GALNTL6: variants seen among roughly 807,000 people sequenced by gnomAD.
The protein encoded by GALNTL6 is polypeptide N-acetylgalactosaminyltransferase-like 6.
In GALNTL6, 46 loss-of-function variants were observed where a neutral mutation model predicts 73.7. The observed-to-expected ratio is 0.62, with a 90% CI of 0.49 to 0.80. GALNTL6 has a LOEUF of 0.80. Ranked by LOEUF, GALNTL6 falls within the 30% of genes least tolerant of loss-of-function variation. GALNTL6 has a pLI of 0.00. For missense variants in GALNTL6, 604 were observed against 755.0 expected (o/e 0.80, Z 2.34); for synonymous variants, 259 against 263.7 (o/e 0.98, Z 0.17).
intron 7 of GALNTL6, among the ~76,000 whole-genome samples, chr4:172,814,415 T>A (rs976852341): frequency 1.3e-5 from 2 of 152,188 alleles, no homozygotes; most frequent in African/African-American, 4.8e-5. Context: ...ATAGTTTAGT[T>A]TGACAGACTA....
At chr4:171,946,417 G>A (rs1738703325) in intron 2 of GALNTL6, among the ~76,000 whole-genome samples, 1 of 152,114 alleles carries the variant, frequency 6.6e-6, no homozygotes. Context: ...TTTTTCTTAA[G>A]CAATTCCTGG....
Position 172,377,823 on chromosome 4 carries a change from G to T in GALNTL6, c.553+29134G>T, listed in dbSNP as rs187211429. 2.7e-3 allele frequency among the ~76,000 whole-genome samples: 409 copies of T among 152,226 alleles called. 1 individual carries two copies. Among genetic ancestry groups the T allele is most frequent in the African/African-American group, 9.4e-3 (389 of 41,558 alleles). Reference sequence around the variant, plus strand: ...CCAGGGCTGGCTGCACAGGCTGGCCGCTCTGAGTGCGGGGCCTGCTGAGCC... The same window carrying T: ...CCAGGGCTGGCTGCACAGGCTGGCCTCTCTGAGTGCGGGGCCTGCTGAGCC... On this transcript the variant is annotated intron_variant, in intron 5 of 12. Transcript: ENST00000506823.
At chr4:172,257,970 C>T (rs750676017) in intron 3 of GALNTL6, among the ~76,000 whole-genome samples, 10 of 151,240 alleles carry the variant, frequency 6.6e-5, no homozygotes, top group Non-Finnish European at 1.5e-4. Context: ...CTGATCACCA[C>T]CACTACCCTA....
At chr4:171,994,676 A>G (rs1740435045) in intron 2 of GALNTL6, among the ~76,000 whole-genome samples, 1 of 152,056 alleles carries the variant, frequency 6.6e-6, no homozygotes, top group African/African-American at 2.4e-5. Context: ...AATAAAAACA[A>G]AACAGTTGTT....
chr4:173,008,617 G>T (rs1311803509), intron 10 of GALNTL6, among the ~76,000 whole-genome samples: 1 of 152,248 alleles, frequency 6.6e-6, no homozygotes, highest in Non-Finnish European at 1.5e-5. Flanking sequence ...GGAGTTTGGG[G>T]CTAGGATTTT....
chr4:172,368,934 A>G (rs1425220165), intron 5 of GALNTL6, among the ~76,000 whole-genome samples: 2 of 152,148 alleles, frequency 1.3e-5, no homozygotes, highest in Non-Finnish European at 2.9e-5. Flanking sequence ...TGCAGTGAGT[A>G]TTACAGCTCA....
At chr4:172,917,804 C>T (rs1747600621) in intron 8 of GALNTL6, among the ~76,000 whole-genome samples, 1 of 152,160 alleles carries the variant, frequency 6.6e-6, no homozygotes, top group Non-Finnish European at 1.5e-5. Context: ...GTTGGTGGGA[C>T]TGTAAACTAG....
At chr4:172,656,926 T>C (rs1242241896) in intron 5 of GALNTL6, among the ~76,000 whole-genome samples, 1 of 120,610 alleles carries the variant, frequency 8.3e-6, no homozygotes, top group Admixed American at 8.2e-5. Context: ...GAGAAGGACA[T>C]TATTTTTTTT....
At chr4:172,277,230 T>C (rs1738864128) in intron 3 of GALNTL6, among the ~76,000 whole-genome samples, 1 of 151,978 alleles carries the variant, frequency 6.6e-6, no homozygotes, top group Non-Finnish European at 1.5e-5. Context: ...AGAACGTGGA[T>C]TCATAGTTCC....
intron 2 of GALNTL6, among the ~76,000 whole-genome samples, chr4:172,176,176 A>G (rs956626043): frequency 3.4e-5 from 5 of 148,736 alleles, no homozygotes; most frequent in Admixed American, 6.6e-5. Context: ...CATCTCTACT[A>G]AAAAATACAA....
Position 172,223,511 on chromosome 4 carries a change from A to G in GALNTL6, c.139-6145A>G, listed in dbSNP as rs138424183. Among the ~76,000 whole-genome samples the G allele has an allele frequency of 7.4e-4, 112 of 152,186 alleles. 1 individual carries two copies. The East Asian group carries it at 0.017, about 23-fold the overall frequency. ...AGTCTTTCTTGACTTCCTTTTGCTC[A>G]GTGCATAGAGTTCAGAGACCTGTGT... On this transcript the variant is annotated intron_variant, in intron 2 of 12. Transcript: ENST00000506823.
intron 5 of GALNTL6, among the ~76,000 whole-genome samples, chr4:172,663,105 G>T (rs1665782618): frequency 1.3e-5 from 2 of 152,156 alleles, no homozygotes; most frequent in Admixed American, 1.3e-4. Flanking sequence ...GGTGGAGAAT[G>T]GTTTAAGATG....
intron 4 of GALNTL6, among the ~76,000 whole-genome samples, chr4:172,327,081 GA>G (rs1740968449): frequency 1.3e-5 from 2 of 151,938 alleles, no homozygotes; most frequent in African/African-American, 2.4e-5. Flanking sequence ...ATTTTTAAGT[GA>G]ATAGATACTA....
chr4:172,690,960 G>A (rs1488877228), intron 5 of GALNTL6, among the ~76,000 whole-genome samples: 1 of 152,188 alleles, frequency 6.6e-6, no homozygotes, highest in Non-Finnish European at 1.5e-5. Flanking sequence ...TACTCTAAGA[G>A]AGATGAGATC....
intron 2 of GALNTL6, among the ~76,000 whole-genome samples, chr4:171,915,868 A>G (rs1737609282): frequency 6.6e-6 from 1 of 152,152 alleles, no homozygotes; most frequent in African/African-American, 2.4e-5. Context: ...GACTTTTCAC[A>G]TAACTTTTGT....
At chr4:172,915,062 G>T (rs1579648131) in intron 8 of GALNTL6, among the ~76,000 whole-genome samples, 1 of 152,232 alleles carries the variant, frequency 6.6e-6, no homozygotes, top group Non-Finnish European at 1.5e-5. Flanking sequence ...TCAGACCACA[G>T]TGCAATCAAG....
At chr4:172,986,562 T>G (rs1335606421) in intron 10 of GALNTL6, among the ~76,000 whole-genome samples, 5 of 152,154 alleles carry the variant, frequency 3.3e-5, no homozygotes, top group Non-Finnish European at 7.3e-5. Flanking sequence ...AAAGAGAAAA[T>G]TTAAATATAT....
At chr4:172,701,369 GA>G (rs1365383297) in intron 5 of GALNTL6, among the ~76,000 whole-genome samples, 1 of 152,034 alleles carries the variant, frequency 6.6e-6, no homozygotes, top group Non-Finnish European at 1.5e-5. Flanking sequence ...CTAACTTGAA[GA>G]AAGGAACTTA....
chr4:172,726,202 C>A (rs1325617581), intron 5 of GALNTL6, among the ~76,000 whole-genome samples: 1 of 152,152 alleles, frequency 6.6e-6, no homozygotes, highest in African/African-American at 2.4e-5. Context: ...AGGCTCTCGC[C>A]ATTTATTCAG....
Sources: allele counts gnomAD v4.1 joint callset (sites outside exome capture counted in the v4.1 genomes callset), GRCh38; gene constraint gnomAD v4.1.1; transcripts MANE v1.5; gene names NCBI Gene and HGNC (gene_info 2026-07-23, HGNC 2026-07-21).